Variants in LRRIQ1 observed in about 807,000 individuals in gnomAD.
The protein encoded by LRRIQ1 is leucine rich repeats and IQ motif containing 1, also known as leucine-rich repeat- and IQ domain-containing protein 1.
LRRIQ1 carries 210 observed loss-of-function variants against 211.9 expected under a neutral mutation model. The observed-to-expected ratio is 0.99, with a 90% CI of 0.89 to 1.11. The LOEUF is 1.11. LRRIQ1 is among the 50% of genes most tolerant of loss of function. The pLI is 0.00. For synonymous variants in LRRIQ1, 699 were observed against 650.1 expected, an observed-to-expected ratio of 1.08 and a Z score of -1.14; for missense variants, 2,136 against 1,939.5, an observed-to-expected ratio of 1.10 and a Z score of -1.90.
intron 19 of LRRIQ1, among the ~76,000 whole-genome samples, chr12:85,149,298 T>C (rs993109686): frequency 6.6e-6 from 1 of 152,026 alleles, no homozygotes; most frequent in African/African-American, 2.4e-5. Context: ...CACATTTACG[T>C]CTTTAATCCA....
At chr12:85,090,866 C>A (rs1885320907) in intron 11 of LRRIQ1, among the ~76,000 whole-genome samples, 2 of 152,138 alleles carry the variant, frequency 1.3e-5, no homozygotes, top group South Asian at 4.2e-4. Flanking sequence ...TGGGAGGGGG[C>A]AGGGGTGGAT....
chr12:85,195,968 T>G (rs1331709621), intron 24 of LRRIQ1, among the ~76,000 whole-genome samples: 1 of 152,034 alleles, frequency 6.6e-6, no homozygotes, highest in East Asian at 1.9e-4. Flanking sequence ...GATAAGCAAC[T>G]TCAGCGAAGT....
chr12:85,198,533 G>A (rs1430245890), intron 24 of LRRIQ1, among the ~76,000 whole-genome samples: 1 of 150,242 alleles, frequency 6.7e-6, no homozygotes, highest in Non-Finnish European at 1.5e-5. Flanking sequence ...TCTCATTGTG[G>A]TTTTAATTAG....
At chr12:85,174,018 A>G (rs1024763999) in intron 24 of LRRIQ1, among the ~76,000 whole-genome samples, 2 of 152,106 alleles carry the variant, frequency 1.3e-5, no homozygotes, top group Admixed American at 6.6e-5. Flanking sequence ...GCAGTTTCCT[A>G]TCAACTTTAT....
In LRRIQ1 at chr12:85,065,355, G is replaced by A; in HGVS notation, c.2485G>A (p.Gly829Arg). 1 of 1,610,808 alleles carries A rather than the reference G, an allele frequency of 6.2e-7. No homozygotes were observed. The highest frequency in any genetic ancestry group is 1.1e-5 in the South Asian group (1 of 90,976). Residue 829 changes from glycine (G) to arginine (R), a missense_variant, in exon 9 of 27, where the codon GGA becomes AGA. Transcript: ENST00000393217. ...NLQFLSLRRC[G>R]LTSLHSLSNC... Reference sequence around the variant, plus strand: ...TCAGTTTCTATCCCTTCGACGCTGTGGATTAACTTCTTTGCACAGCCTGAG... The same window carrying A: ...TCAGTTTCTATCCCTTCGACGCTGTAGATTAACTTCTTTGCACAGCCTGAG...
At chr12:85,117,325 G>A (rs1469800954) in intron 15 of LRRIQ1, among the ~76,000 whole-genome samples, 7 of 152,132 alleles carry the variant, frequency 4.6e-5, no homozygotes, top group Admixed American at 4.6e-4. Flanking sequence ...CACTACCACT[G>A]TGGATCCAGG....
intron 24 of LRRIQ1, among the ~76,000 whole-genome samples, chr12:85,184,355 A>G (rs1892132216): frequency 1.3e-5 from 2 of 152,088 alleles, no homozygotes; most frequent in Admixed American, 1.3e-4. Context: ...AAAATAAATA[A>G]GTAAATACAT....
chr12:85,265,157 A>G (rs1466748663), downstream of LRRIQ1, among the ~76,000 whole-genome samples: 6 of 152,092 alleles, frequency 3.9e-5, no homozygotes, highest in African/African-American at 1.4e-4. Context: ...GACAAATAAC[A>G]TTAAACATTT....
downstream of LRRIQ1, among the ~76,000 whole-genome samples, chr12:85,269,346 T>C (rs1180759773): frequency 1.3e-5 from 2 of 152,038 alleles, no homozygotes; most frequent in African/African-American, 2.4e-5. Flanking sequence ...TATTGGTGTA[T>C]TTTGAAATAA....
intron 11 of LRRIQ1, among the ~76,000 whole-genome samples, chr12:85,077,481 T>G (rs1883786954): frequency 6.6e-6 from 1 of 152,238 alleles, no homozygotes; most frequent in Non-Finnish European, 1.5e-5. Flanking sequence ...AATATTTTTG[T>G]GGCTATTGTT....
chr12:85,039,171 C>T (rs148032666), intron 2 of LRRIQ1, among the ~76,000 whole-genome samples: 1 of 151,282 alleles, frequency 6.6e-6, no homozygotes, highest in African/African-American at 2.4e-5. Context: ...TGAAATCCAA[C>T]AGAATAATGG....
intron 2 of LRRIQ1, among the ~76,000 whole-genome samples, chr12:85,038,922 G>A (rs1878517541): frequency 1.3e-5 from 2 of 150,886 alleles, no homozygotes; most frequent in South Asian, 4.2e-4. Context: ...TCCTACTGTT[G>A]TATATTTGTA....
chr12:85,037,142 TAAATA>T (rs942850301), intron 1 of LRRIQ1, among the ~76,000 whole-genome samples: 2 of 151,404 alleles, frequency 1.3e-5, no homozygotes, highest in Non-Finnish European at 2.9e-5. Flanking sequence ...TATATTGGGT[TAAATA>T]AAATATATTA....
At chr12:85,239,354 T>TACACACACAC (rs1491190469) in intron 26 of LRRIQ1, among the ~76,000 whole-genome samples, 1 of 86,480 alleles carries the variant, frequency 1.2e-5, no homozygotes, top group African/African-American at 5.9e-5. Context: ...GAAACTGTTT[T>TACACACACAC]ATACACACAC....
At chr12:85,127,245 T>C (rs1376808497) in intron 17 of LRRIQ1, among the ~76,000 whole-genome samples, 1 of 152,210 alleles carries the variant, frequency 6.6e-6, no homozygotes, top group African/African-American at 2.4e-5. Context: ...CACATAACAT[T>C]GATCCATTCA....
At chr12:85,080,493 TATA>T (rs1884165344) in intron 11 of LRRIQ1, among the ~76,000 whole-genome samples, 1 of 151,600 alleles carries the variant, frequency 6.6e-6, no homozygotes, top group African/African-American at 2.4e-5. Context: ...GTATATTTTT[TATA>T]ATTATACTCA....
intron 24 of LRRIQ1, among the ~76,000 whole-genome samples, chr12:85,212,785 T>G (rs35534033): frequency 0.1 from 15,048 of 148,462 alleles, 1,364 homozygotes; most frequent in African/African-American, 0.24. Context: ...TTTATATATA[T>G]ATAGAGAGAG....
At chr12:85,102,957 A>ATATATATATAT (rs1383729830) in intron 13 of LRRIQ1, among the ~76,000 whole-genome samples, 8 of 117,370 alleles carry the variant, frequency 6.8e-5, no homozygotes, top group African/African-American at 2.4e-4. Context: ...AAAAAAAAAA[A>ATATATATATAT]AAATATATAT....
chr12:85,142,248 G>C lies in LRRIQ1; in HGVS notation c.4329+4279G>C, dbSNP rs1889592628. ...CTTTTAAGGTTGATTTTCTATTTTT[G>C]TTTTTCAAACTGGCTATGATTTTCT... On this transcript the variant is annotated intron_variant, in intron 19 of 26. Coordinates refer to ENST00000393217, the MANE Select transcript of LRRIQ1 (RefSeq NM_001079910.2). 2.6e-5 allele frequency among the ~76,000 whole-genome samples: 4 copies of C among 151,264 alleles called. 1 individual carries two copies. The South Asian group carries it at 8.3e-4, about 31-fold the overall frequency.
Sources: allele counts gnomAD v4.1 joint callset (sites outside exome capture counted in the v4.1 genomes callset), GRCh38; gene constraint gnomAD v4.1.1; transcripts MANE v1.5; gene names NCBI Gene and HGNC (gene_info 2026-07-23, HGNC 2026-07-21).